Variants in INTU observed in about 807,000 individuals in gnomAD.
The protein encoded by INTU is inturned planar cell polarity protein.
INTU carries 68 observed loss-of-function variants against 100.5 expected under a neutral mutation model. The observed-to-expected ratio is 0.68, with a 90% CI of 0.56 to 0.83. The LOEUF is 0.83. Ranked by LOEUF, INTU falls within the 40% of genes least tolerant of loss-of-function variation. The probability of loss-of-function intolerance (pLI) is 0.00; values close to 1 mark genes in which losing one functional copy is unlikely to be tolerated. For synonymous variants in INTU, 357 were observed against 395.7 expected, an observed-to-expected ratio of 0.90 and a Z score of 1.16; for missense variants, 1,071 against 1,114.7, an observed-to-expected ratio of 0.96 and a Z score of 0.56.
chr4:127,644,602 A>G (rs888507875), intron 2 of INTU, among the ~76,000 whole-genome samples: 12 of 152,180 alleles, frequency 7.9e-5, no homozygotes, highest in Admixed American at 7.2e-4. Flanking sequence ...ATAGCCCACC[A>G]ATTTTCAAGA....
chr4:127,707,353 T>G (rs1051971938), intron 12 of INTU, among the ~76,000 whole-genome samples: 1 of 143,678 alleles, frequency 7.0e-6, no homozygotes, highest in South Asian at 2.2e-4. Context: ...ACTGCATGAT[T>G]TGTCACTCCA....
At chr4:127,640,149 T>C (rs1437794343) in intron 1 of INTU, among the ~76,000 whole-genome samples, 1 of 152,140 alleles carries the variant, frequency 6.6e-6, no homozygotes. Context: ...TGATATTTAT[T>C]TGGAACTTAA....
At chr4:127,660,190 G>C (rs1728415143) in intron 3 of INTU, among the ~76,000 whole-genome samples, 1 of 152,126 alleles carries the variant, frequency 6.6e-6, no homozygotes, top group African/African-American at 2.4e-5. Flanking sequence ...TGGAGGAGGA[G>C]ATTAGATTTA....
chr4:127,699,969 A>T (rs780332607), intron 8 of INTU, 41 bp from the exon 9 acceptor site: 31 of 1,473,358 alleles, frequency 2.1e-5, no homozygotes, highest in Non-Finnish European at 2.7e-5. Flanking sequence ...AACTAATATG[A>T]GTCAAATGTT....
At chr4:127,653,358 T>C (rs1349233933) in intron 2 of INTU, among the ~76,000 whole-genome samples, 1 of 139,852 alleles carries the variant, frequency 7.2e-6, no homozygotes, top group Non-Finnish European at 1.5e-5. Flanking sequence ...TGTGGGCATT[T>C]AGTGCTATAA....
chr4:127,693,885 G>A (rs977383257), intron 8 of INTU, among the ~76,000 whole-genome samples: 1 of 152,044 alleles, frequency 6.6e-6, no homozygotes, highest in Admixed American at 6.6e-5. Flanking sequence ...ATTGACTTAT[G>A]TATGTTAAAC....
chr4:127,644,313 T>G (rs1727472455), intron 2 of INTU, among the ~76,000 whole-genome samples: 1 of 152,198 alleles, frequency 6.6e-6, no homozygotes. Context: ...TTTCAAGTTT[T>G]GAATTATATA....
intron 2 of INTU, among the ~76,000 whole-genome samples, chr4:127,651,442 G>C (rs1578541949): frequency 6.6e-6 from 1 of 152,194 alleles, no homozygotes; most frequent in South Asian, 2.1e-4. Flanking sequence ...CATATGGCTA[G>C]CCAGTTATCC....
At chr4:127,643,486 G>A in intron 1 of INTU, 35 bp from the exon 2 acceptor site, 1 of 1,522,186 alleles carries the variant, frequency 6.6e-7, no homozygotes, top group Non-Finnish European at 8.8e-7. Context: ...TATATATTGG[G>A]CTGCTATTAA....
At chr4:127,639,899 G>A (rs1271397389) in intron 1 of INTU, among the ~76,000 whole-genome samples, 4 of 152,032 alleles carry the variant, frequency 2.6e-5, no homozygotes, top group Non-Finnish European at 5.9e-5. Context: ...TGTACCCGTC[G>A]ACCAATCTCT....
chr4:127,687,635 C>T, intron 7 of INTU, 43 bp from the exon 8 acceptor site: 2 of 1,517,136 alleles, frequency 1.3e-6, no homozygotes, highest in Non-Finnish European at 9.0e-7. Flanking sequence ...AAATGACCAC[C>T]ATTTCCATAT....
intron 8 of INTU, among the ~76,000 whole-genome samples, chr4:127,698,301 A>G (rs1189858434): frequency 6.6e-6 from 1 of 151,958 alleles, no homozygotes; most frequent in African/African-American, 2.4e-5. Flanking sequence ...TCTCTACTAA[A>G]AATACAAAAA....
At chr4:127,699,224 G>A (rs539722553) in intron 8 of INTU, 15 of 152,266 alleles carry the variant, frequency 9.9e-5, no homozygotes, top group Middle Eastern at 3.4e-3. Flanking sequence ...TTCAATTGCC[G>A]ATAGTTTTCA....
chr4:127,700,183 G>A, intron 9 of INTU, 120 bp downstream of exon 9: 1 of 734,644 alleles, frequency 1.4e-6, no homozygotes, highest in Non-Finnish European at 2.1e-6. Context: ...TTAGGCCTCT[G>A]TTTTGACAGT....
rs1578647864 is a variant in INTU, at chr4:127,723,423, A to C, written c.*6987A>C. On this transcript the variant is annotated 3_prime_UTR_variant, in exon 16 of 16. Transcript: ENST00000335251. ...TTTTTTTGCCTCTTGCATGTTGGTC[A>C]CCTCCTAAATTAGTAATGTCCAAGT... The C allele has an allele frequency of 2.5e-5, 3 of 121,736 alleles. No homozygotes were observed. Among genetic ancestry groups the C allele is most frequent in the Admixed American group, 9.0e-5 (1 of 11,164 alleles). 7.5% of individuals were successfully genotyped at this position (121,736 alleles called of 1,614,324 possible). A position where few individuals can be genotyped will look rare whatever the true frequency, so the allele number is the denominator to read the frequency against.
In INTU at chr4:127,695,608, A is replaced by C. The variant is rs79188819; in HGVS notation, c.1450-4402A>C. Among the ~76,000 whole-genome samples the C allele has an allele frequency of 1.6e-4, 24 of 152,288 alleles. 1 individual carries two copies. In the East Asian group the frequency reaches 4.6e-3, roughly 29 times the overall value. ...AAATTGTAATATATAAGATTGTGTC[A>C]ATTCTTTCAGATTTTCTGTGTAAAC... On this transcript the variant is annotated intron_variant, in intron 8 of 15. Transcript: ENST00000335251.
At chr4:127,684,990 C>G (rs375465079) in intron 7 of INTU, among the ~76,000 whole-genome samples, 1 of 151,950 alleles carries the variant, frequency 6.6e-6, no homozygotes, top group African/African-American at 2.4e-5. Flanking sequence ...CCATCAAATT[C>G]ACTATCCTGA....
At position 127,701,777 on chromosome 4, in the gene INTU, C is replaced by A. The variant is rs542940382; in HGVS notation, c.1503+1714C>A. ...GCTAAAATTCTCAGTAATAAAAGTT[C>A]TTTTACAAAGTAAATGGGAAGTAAG... is the stretch of plus-strand genomic sequence containing the variant. On this transcript the variant is annotated intron_variant, in intron 9 of 15. Coordinates refer to ENST00000335251, the MANE Select transcript of INTU (RefSeq NM_015693.4). Among the ~76,000 whole-genome samples the A allele has an allele frequency of 3.9e-5, 6 of 152,150 alleles. No homozygotes were observed. In the South Asian group the frequency reaches 6.2e-4, roughly 16 times the overall value.
chr4:127,680,715 C>T (rs1236073506), intron 6 of INTU, among the ~76,000 whole-genome samples: 3 of 147,242 alleles, frequency 2.0e-5, no homozygotes, highest in African/African-American at 5.0e-5. Flanking sequence ...CGTCTCTCAC[C>T]GCTCCTATTC....
Sources: allele counts gnomAD v4.1 joint callset (sites outside exome capture counted in the v4.1 genomes callset), GRCh38; gene constraint gnomAD v4.1.1; transcripts MANE v1.5; gene names NCBI Gene and HGNC (gene_info 2026-07-23, HGNC 2026-07-21).